SLC24A4: variants seen among roughly 807,000 people sequenced by gnomAD.
SLC24A4 encodes the protein sodium/potassium/calcium exchanger 4.
A neutral mutation model predicts 79.0 loss-of-function variants in SLC24A4; 53 were observed. The observed-to-expected ratio is 0.67, with a 90% CI of 0.54 to 0.84. The LOEUF (loss-of-function observed/expected upper bound fraction) is 0.84, where lower values mean the gene tolerates loss of function less well. Among genes scored for constraint, SLC24A4 ranks in the 40% least tolerant of loss-of-function variants. SLC24A4 has a pLI of 0.00. For missense variants in SLC24A4, 731 were observed against 822.0 expected, an observed-to-expected ratio of 0.89 and a Z score of 1.35; for synonymous variants, 323 against 323.8, an observed-to-expected ratio of 1.00 and a Z score of 0.03.
chr14:92,430,834 T>C (rs140314317), intron 2 of SLC24A4, among the ~76,000 whole-genome samples: 1 of 152,182 alleles, frequency 6.6e-6, no homozygotes, highest in Non-Finnish European at 1.5e-5. Flanking sequence ...TTCAGATTTC[T>C]GCAGCTTAAA....
At chr14:92,391,097 G>C (rs1041603303) in intron 2 of SLC24A4, among the ~76,000 whole-genome samples, 1 of 152,192 alleles carries the variant, frequency 6.6e-6, no homozygotes, top group Admixed American at 6.5e-5. Context: ...ACCGGTGAGA[G>C]CTGGTCACGG....
intron 2 of SLC24A4, among the ~76,000 whole-genome samples, chr14:92,428,815 A>G (rs6575253): frequency 0.57 from 86,289 of 152,170 alleles, 24,833 homozygotes; most frequent in East Asian, 0.82. Flanking sequence ...TGAGTTGAGT[A>G]AGGAGATGGG....
chr14:92,428,176 A>G (rs138793536), intron 2 of SLC24A4, among the ~76,000 whole-genome samples: 159 of 152,348 alleles, frequency 1.0e-3, no homozygotes, highest in African/African-American at 3.7e-3. Context: ...GTGCAGGAAT[A>G]AGGAAGGGGA....
intron 2 of SLC24A4, among the ~76,000 whole-genome samples, chr14:92,363,093 A>G (rs2141670239): frequency 6.6e-6 from 1 of 152,294 alleles, no homozygotes; most frequent in Middle Eastern, 3.4e-3. Flanking sequence ...AATTCCTTAC[A>G]CTTTCCAGTC....
chr14:92,412,281 C>T (rs1335640706), intron 2 of SLC24A4, among the ~76,000 whole-genome samples: 1 of 152,150 alleles, frequency 6.6e-6, no homozygotes, highest in Non-Finnish European at 1.5e-5. Context: ...TTGGTGGCCC[C>T]AAGAGCCTGC....
intron 10 of SLC24A4, chr14:92,451,081 C>T (rs994799612): frequency 6.6e-6 from 1 of 152,248 alleles, no homozygotes. Flanking sequence ...CAGGACTGCC[C>T]CCAAGCACTG....
Position 92,492,183 on chromosome 14 carries a change from C to G in SLC24A4, c.1659C>G (p.Ile553Met), listed in dbSNP as rs1300405595. The G allele has an allele frequency of 6.2e-7, 1 of 1,613,878 alleles. No homozygotes were observed. The highest frequency in any genetic ancestry group is 2.2e-5 in the East Asian group (1 of 44,884). ...TGTGTTTGATTTTCCAGGTGAAGAT[C>G]AACAGCCGGGGGCTGGTCTATTCCG... ...MVVNYGSTVK[I>M]NSRGLVYSVV... is the part of the protein sequence containing the mutation. The change falls in exon 16 of 17, where the codon ATC becomes ATG. Residue 553 changes from isoleucine (I) to methionine (M), a missense_variant. Ile to Met is a conservative substitution (Grantham distance 10). Coordinates refer to ENST00000532405, the MANE Select transcript of SLC24A4 (RefSeq NM_153646.4).
intron 2 of SLC24A4, among the ~76,000 whole-genome samples, chr14:92,359,388 A>T (rs1002396048): frequency 7.9e-5 from 12 of 152,304 alleles, no homozygotes; most frequent in African/African-American, 2.9e-4. Flanking sequence ...AGTCTGGCCA[A>T]CATGGTGAAA....
chr14:92,493,133 C>G (rs1895788795), intron 16 of SLC24A4, among the ~76,000 whole-genome samples: 1 of 152,050 alleles, frequency 6.6e-6, no homozygotes, highest in South Asian at 2.1e-4. Flanking sequence ...AGCTAAAGCC[C>G]CCATTTGTCT....
chr14:92,347,416 G>T (rs1272873075), intron 2 of SLC24A4, among the ~76,000 whole-genome samples: 1 of 152,188 alleles, frequency 6.6e-6, no homozygotes, highest in Non-Finnish European at 1.5e-5. Context: ...AGGAAGGGAT[G>T]ATGCATTTTA....
In SLC24A4 at chr14:92,323,912, G is replaced by T. The variant is rs1159461294; in HGVS notation, c.82G>T (p.Ala28Ser). 4.3e-6 allele frequency: 7 copies of T among 1,610,538 alleles called. No homozygotes were observed. Among genetic ancestry groups the T allele is most frequent in the Non-Finnish European group, 5.9e-6 (7 of 1,179,816 alleles). The change falls in exon 1 of 17, where the codon GCG (alanine) becomes TCG (serine). Residue 28 changes from alanine to serine, a missense_variant. Coordinates refer to ENST00000532405, the MANE Select transcript of SLC24A4 (RefSeq NM_153646.4). The surrounding 1 kb of genome is among the most constrained non-coding windows in gnomAD (Gnocchi z 4.9). ...GCCGCAGCAAGTCGGCTTCGTGTGC[G>T]CGGTGCTGGCCCTGGTGTGCTGTGC... ...MLPQQVGFVC[A>S]VLALVCCASG...
chr14:92,415,190 T>A (rs1194827308), intron 2 of SLC24A4, among the ~76,000 whole-genome samples: 1 of 152,194 alleles, frequency 6.6e-6, no homozygotes, highest in Non-Finnish European at 1.5e-5. Context: ...GATCTTCTCA[T>A]GAGTTGTGTC....
chr14:92,433,608 A>G (rs1173112766), intron 2 of SLC24A4, among the ~76,000 whole-genome samples: 1 of 152,146 alleles, frequency 6.6e-6, no homozygotes, highest in East Asian at 1.9e-4. Flanking sequence ...ACTTACTACT[A>G]TCTGTTCTGG....
At chr14:92,468,654 G>T (rs61116143) in intron 12 of SLC24A4, among the ~76,000 whole-genome samples, 2,867 of 152,192 alleles carry the variant, frequency 0.019, 107 homozygotes, top group East Asian at 0.17. Context: ...CTCACTAGGG[G>T]AAATAATACT....
At chr14:92,373,804 T>G (rs150191682) in intron 2 of SLC24A4, among the ~76,000 whole-genome samples, 276 of 152,350 alleles carry the variant, frequency 1.8e-3, no homozygotes, top group African/African-American at 6.1e-3. Flanking sequence ...TTATTATGGA[T>G]AATTCCAAAC....
intron 14 of SLC24A4, 114 bp downstream of exon 14, chr14:92,486,894 C>A: frequency 7.7e-6 from 5 of 651,048 alleles, no homozygotes; most frequent in Middle Eastern, 3.6e-4. Context: ...GTTGTCAAGT[C>A]CTGCTGTGGA....
At chr14:92,386,952 C>A (rs902602105) in intron 2 of SLC24A4, among the ~76,000 whole-genome samples, 1 of 152,138 alleles carries the variant, frequency 6.6e-6, no homozygotes, top group South Asian at 2.1e-4. Flanking sequence ...AAATGCACTT[C>A]AACCTTGACC....
At chr14:92,453,856 G>C in intron 10 of SLC24A4, 44 bp from the exon 11 acceptor site, 4 of 1,546,974 alleles carry the variant, frequency 2.6e-6, no homozygotes, top group Non-Finnish European at 2.6e-6. Context: ...CTTGGGTGTT[G>C]TCCTCAGAGA....
chr14:92,355,532 G>A (rs1303287772), intron 2 of SLC24A4, among the ~76,000 whole-genome samples: 2 of 152,236 alleles, frequency 1.3e-5, no homozygotes, highest in Non-Finnish European at 2.9e-5. Context: ...GATTCTGAGT[G>A]TAGGAACTTT....
Sources: allele counts gnomAD v4.1 joint callset (sites outside exome capture counted in the v4.1 genomes callset), GRCh38; gene constraint gnomAD v4.1.1; non-coding constraint Gnocchi (gnomAD v3.1); transcripts MANE v1.5; gene names NCBI Gene and HGNC (gene_info 2026-07-23, HGNC 2026-07-21).